The following LRRFIP1 variants were observed in gnomAD, a reference collection of about 807,000 sequenced individuals.
LRRFIP1 encodes the protein LRR binding FLII interacting protein 1.
Under a neutral mutation model 104.4 loss-of-function variants are expected in LRRFIP1, and 62 were observed. That is an observed-to-expected ratio of 0.59 (90% CI 0.48 to 0.73). The LOEUF (loss-of-function observed/expected upper bound fraction) is 0.73, where lower values mean the gene tolerates loss of function less well. Among genes scored for constraint, LRRFIP1 ranks in the 30% least tolerant of loss-of-function variants. LRRFIP1 has a pLI of 0.00. For synonymous variants in LRRFIP1, 300 were observed against 299.0 expected (o/e 1.00, Z -0.03); for missense variants, 796 against 824.5 (o/e 0.97, Z 0.42).
At position 237,760,201 on chromosome 2, in the gene LRRFIP1, C is replaced by T. The variant is rs558318673; in HGVS notation, c.1455C>T (p.Thr485=). The change falls in exon 19 of 24, where the codon ACC becomes ACT. Residue 485 remains threonine (T), a synonymous_variant. Transcript: ENST00000308482. Reference sequence around the variant, plus strand: ...CCCTCAAGTCGACAGGGGATGGGACCCTAGGTAAGTATTTGCTTTCCTTCG... The same window carrying T: ...CCCTCAAGTCGACAGGGGATGGGACTCTAGGTAAGTATTTGCTTTCCTTCG... ...LNALKSTGDG[T]LDIRLKKLVD... The T allele has an allele frequency of 6.2e-7, 1 of 1,613,964 alleles. No individual in the cohort carries two copies. The highest frequency in any genetic ancestry group is 1.3e-5 in the African/African-American group (1 of 75,026).
At position 237,731,290 on chromosome 2, in the gene LRRFIP1, C is replaced by T. The variant is rs115375520; in HGVS notation, c.445-2484C>T. Among the ~76,000 whole-genome samples the T allele has an allele frequency of 9.5e-3, 1,446 of 152,298 alleles. 22 individuals are homozygous for T. The highest frequency in any genetic ancestry group is 0.032 in the African/African-American group (1,344 of 41,548). On this transcript the variant is annotated intron_variant, in intron 8 of 23. Coordinates refer to ENST00000308482, the MANE Select transcript of LRRFIP1 (RefSeq NM_001137550.2). ...ATTTCCAGCCCCTATTCTCGTTTCCCTCCCGGGGGGTTGGGGGGTATCTTT... is the reference window on the plus strand; with the variant it reads ...ATTTCCAGCCCCTATTCTCGTTTCCTTCCCGGGGGGTTGGGGGGTATCTTT...
intron 1 of LRRFIP1, among the ~76,000 whole-genome samples, chr2:237,632,560 C>A (rs995793409): frequency 2.0e-5 from 3 of 152,202 alleles, no homozygotes. Flanking sequence ...CATCCTAAGT[C>A]CCCCTTTCAT....
chr2:237,639,896 A>G (rs542246244), intron 1 of LRRFIP1, among the ~76,000 whole-genome samples: 1 of 152,230 alleles, frequency 6.6e-6, no homozygotes, highest in East Asian at 1.9e-4. Flanking sequence ...GCTCCTCGCT[A>G]TTCCCAGCTG....
At chr2:237,762,975 A>G in intron 19 of LRRFIP1, 1 of 1,614,252 alleles carries the variant, frequency 6.2e-7, no homozygotes, top group Non-Finnish European at 8.5e-7. Flanking sequence ...AACCACACAG[A>G]GAATGTGGGA....
chr2:237,759,660 T>C (rs558599632), intron 18 of LRRFIP1, among the ~76,000 whole-genome samples: 2 of 152,324 alleles, frequency 1.3e-5, no homozygotes, highest in South Asian at 4.1e-4. Context: ...TTTCAGAACA[T>C]GTATATATTT....
intron 11 of LRRFIP1, among the ~76,000 whole-genome samples, chr2:237,746,911 G>A (rs1298448839): frequency 1.3e-5 from 2 of 152,264 alleles, no homozygotes; most frequent in African/African-American, 2.4e-5. Flanking sequence ...TTAGCAAAGA[G>A]GGGAGAGAGG....
intron 1 of LRRFIP1, among the ~76,000 whole-genome samples, chr2:237,641,884 C>A (rs2058646592): frequency 2.0e-5 from 3 of 152,144 alleles, no homozygotes; most frequent in Non-Finnish European, 4.4e-5. Flanking sequence ...GGGAGGACTT[C>A]CAGGGCGTCG....
chr2:237,681,240 A>G (rs969195718), intron 1 of LRRFIP1, among the ~76,000 whole-genome samples: 1 of 152,190 alleles, frequency 6.6e-6, no homozygotes, highest in Non-Finnish European at 1.5e-5. Flanking sequence ...CATTCTGACA[A>G]TATCCAAGGG....
intron 11 of LRRFIP1, among the ~76,000 whole-genome samples, chr2:237,740,298 C>T (rs1003715565): frequency 2.6e-5 from 4 of 151,174 alleles, no homozygotes; most frequent in East Asian, 1.9e-4. Flanking sequence ...CATCTGTAGT[C>T]GCAGCTACTC....
intron 11 of LRRFIP1, among the ~76,000 whole-genome samples, chr2:237,747,926 C>G (rs570272624): frequency 7.9e-5 from 12 of 151,246 alleles, no homozygotes; most frequent in African/African-American, 2.9e-4. Flanking sequence ...AACAAACAAA[C>G]AAACAAAAAA....
chr2:237,714,277 G>T lies in LRRFIP1; in HGVS notation c.201+1G>T. On this transcript the variant is annotated splice_donor_variant, in intron 3 of 23. Transcript: ENST00000308482. LOFTEE classifies it high-confidence loss of function. ...TCTATAGATCTATCAGGTCCAAAAG[G>T]TAGGCTCTTCTTTCTTTATTTTCTA... is the stretch of plus-strand genomic sequence containing the variant. 6.3e-7 allele frequency: 1 copy of T among 1,599,474 alleles called. No individual in the cohort carries two copies. Among genetic ancestry groups the T allele is most frequent in the Non-Finnish European group, 8.5e-7 (1 of 1,170,262 alleles).
chr2:237,772,886 A>C lies in LRRFIP1; in HGVS notation c.1648A>C (p.Ser550Arg). Reference protein sequence around the residue: ...DLQRDANRQISDLKFKLAKSE... With the variant: ...DLQRDANRQIRDLKFKLAKSE... ...TTTAGGGGATGCCAACAGACAGATC[A>C]GCGACCTCAAATTTAAACTTGCAAA... The change falls in exon 22 of 24, where the codon AGC becomes CGC. Residue 550 changes from serine (S) to arginine (R), a missense_variant. Coordinates refer to ENST00000308482, the MANE Select transcript of LRRFIP1 (RefSeq NM_001137550.2). 1 of 1,613,838 alleles carries C rather than the reference A, an allele frequency of 6.2e-7. No individual in the cohort carries two copies. Among genetic ancestry groups the C allele is most frequent in the Non-Finnish European group, 8.5e-7 (1 of 1,179,696 alleles).
At chr2:237,776,955 A>C (rs2061147047) in intron 23 of LRRFIP1, among the ~76,000 whole-genome samples, 1 of 151,746 alleles carries the variant, frequency 6.6e-6, no homozygotes. Flanking sequence ...TTTGTGTGTC[A>C]TTTTTCTCTT....
At chr2:237,635,438 G>A (rs1347920310) in intron 1 of LRRFIP1, among the ~76,000 whole-genome samples, 1 of 152,188 alleles carries the variant, frequency 6.6e-6, no homozygotes, top group Non-Finnish European at 1.5e-5. Flanking sequence ...GGTGGAAGCA[G>A]GTTGTCAAGT....
At chr2:237,726,869 C>CTG (rs141013023) in intron 7 of LRRFIP1, among the ~76,000 whole-genome samples, 2,020 of 152,252 alleles carry the variant, frequency 0.013, 25 homozygotes, top group African/African-American at 0.045. Context: ...GGGCTGGGAA[C>CTG]TGAGAAGAGA....
chr2:237,637,618 G>A (rs2083296976), intron 1 of LRRFIP1, among the ~76,000 whole-genome samples: 1 of 152,168 alleles, frequency 6.6e-6, no homozygotes, highest in Non-Finnish European at 1.5e-5. Flanking sequence ...TTGGCAGCAG[G>A]TAAACTCTTG....
At chr2:237,646,233 T>C (rs1342880011) in intron 1 of LRRFIP1, among the ~76,000 whole-genome samples, 2 of 151,994 alleles carry the variant, frequency 1.3e-5, no homozygotes, top group Non-Finnish European at 2.9e-5. Context: ...AAAAAAAATA[T>C]ATATGTATTA....
intron 19 of LRRFIP1, chr2:237,763,907 GA>G (rs2060099905): frequency 6.2e-7 from 1 of 1,614,134 alleles, no homozygotes; most frequent in Admixed American, 1.7e-5. Context: ...GCCCGAACAT[GA>G]AAGTCCCTCA....
Position 237,761,515 on chromosome 2 carries a change from ATGT to A in LRRFIP1, c.1459+1314_1459+1316del, listed in dbSNP as rs1428312458. On this transcript the variant is annotated intron_variant, in intron 19 of 23. Transcript: ENST00000308482. ...ATAAATCTTTGATAACCATTGTGAA[ATGT>A]TGTAAGAACCAGAAATGTCAGTTTT... is the stretch of plus-strand genomic sequence containing the variant. Among the ~76,000 whole-genome samples the A allele has an allele frequency of 2.6e-5, 4 of 152,378 alleles. No individual in the cohort carries two copies. In the South Asian group the frequency reaches 6.2e-4, roughly 24 times the overall value.
Sources: gnomAD v4.1 joint callset for allele counts (sites outside exome capture counted in the v4.1 genomes callset) on GRCh38, gnomAD v4.1.1 for gene constraint, MANE v1.5 for transcripts, NCBI Gene and HGNC (gene_info 2026-07-23, HGNC 2026-07-21) for gene names.